IL1RAPL2: variants seen among roughly 807,000 people sequenced by gnomAD.
The protein encoded by IL1RAPL2 is X-linked interleukin-1 receptor accessory protein-like 2.
A neutral mutation model predicts 44.1 loss-of-function variants in IL1RAPL2; 3 were observed. That is an observed-to-expected ratio of 0.07 (90% confidence interval 0.03 to 0.18). The LOEUF (loss-of-function observed/expected upper bound fraction) is 0.18. Ranked by LOEUF, IL1RAPL2 falls within the 10% of genes least tolerant of loss-of-function variation. The probability of loss-of-function intolerance (pLI) is 1.00; values close to 1 mark genes in which losing one functional copy is unlikely to be tolerated. For missense variants in IL1RAPL2, 391 were observed against 496.4 expected (o/e 0.79, Z 2.02); for synonymous variants, 181 against 178.8 (o/e 1.01, Z -0.10).
chrX:105,011,798 G>A (rs1602888415), intron 2 of IL1RAPL2, among the ~76,000 whole-genome samples: 1 of 110,514 alleles, frequency 9.0e-6, no homozygotes, highest in East Asian at 2.9e-4. Flanking sequence ...GGATATACAT[G>A]TTCTTATCTC....
chrX:105,068,197 T>C (rs2032162466), intron 2 of IL1RAPL2, among the ~76,000 whole-genome samples: 1 of 111,863 alleles, frequency 8.9e-6, no homozygotes, highest in African/African-American at 3.2e-5. Context: ...ATAATAATGA[T>C]ATGATCTATT....
chrX:105,498,948 C>T (rs762151113), intron 6 of IL1RAPL2, among the ~76,000 whole-genome samples: 2 of 111,004 alleles, frequency 1.8e-5, no homozygotes. Context: ...ATCAGTGGCA[C>T]ATTAGATTCT....
intron 2 of IL1RAPL2, among the ~76,000 whole-genome samples, chrX:105,029,061 T>C (rs1158258437): frequency 4.6e-5 from 5 of 109,538 alleles, no homozygotes; most frequent in Non-Finnish European, 9.5e-5. Context: ...GCACCAATTT[T>C]TATCTTAGAT....
chrX:105,726,370 C>A (rs2038352036), intron 7 of IL1RAPL2, among the ~76,000 whole-genome samples: 2 of 111,425 alleles, frequency 1.8e-5, no homozygotes, highest in South Asian at 3.7e-4. Context: ...AGACTGAATT[C>A]ATCAAAGCTA....
chrX:105,180,209 C>A (rs2033516379), intron 2 of IL1RAPL2, among the ~76,000 whole-genome samples: 1 of 110,260 alleles, frequency 9.1e-6, no homozygotes. Flanking sequence ...TGGTGGCAGG[C>A]AACTGTAATC....
chrX:105,450,190 G>A (rs2036009739), intron 5 of IL1RAPL2, among the ~76,000 whole-genome samples: 2 of 111,713 alleles, frequency 1.8e-5, no homozygotes, highest in South Asian at 3.8e-4. Flanking sequence ...ATGGTGACAG[G>A]GCAGCGCTGA....
At position 105,353,103 on chromosome X, in the gene IL1RAPL2, T is replaced by G. The variant is rs754915484; in HGVS notation, c.697+85562T>G. ...GTCTTTAATCCATCTTGAATTAATT[T>G]TTGTATAAGGTGTAAGGAAGGGATC... On this transcript the variant is annotated intron_variant, in intron 5 of 10. Coordinates refer to ENST00000372582, the MANE Select transcript of IL1RAPL2 (RefSeq NM_017416.2). Among the ~76,000 whole-genome samples the G allele has an allele frequency of 1.5e-4, 17 of 111,833 alleles. No homozygotes were observed. The East Asian group carries it at 4.5e-3, about 30-fold the overall frequency.
chrX:105,163,972 T>C (rs944578242), intron 2 of IL1RAPL2, among the ~76,000 whole-genome samples: 1 of 111,404 alleles, frequency 9.0e-6, no homozygotes, highest in Non-Finnish European at 1.9e-5. Flanking sequence ...CAATACTCTC[T>C]ACAAGGTATC....
chrX:105,439,685 T>G (rs1048141414), intron 5 of IL1RAPL2, among the ~76,000 whole-genome samples: 5 of 111,737 alleles, frequency 4.5e-5, no homozygotes, highest in African/African-American at 1.6e-4. Context: ...CACATTGCAC[T>G]GCATGGGATG....
chrX:105,480,665 GT>G (rs1353616594), intron 5 of IL1RAPL2, among the ~76,000 whole-genome samples: 1 of 112,089 alleles, frequency 8.9e-6, no homozygotes, highest in Non-Finnish European at 1.9e-5. Flanking sequence ...CTGCCCTGTT[GT>G]TTAGGGGACT....
At chrX:104,979,530 A>C (rs764763076) in intron 2 of IL1RAPL2, among the ~76,000 whole-genome samples, 6 of 112,067 alleles carry the variant, frequency 5.4e-5, no homozygotes, top group Non-Finnish European at 1.1e-4. Context: ...ATGACAGATA[A>C]AAGTTTGATA....
intron 2 of IL1RAPL2, among the ~76,000 whole-genome samples, chrX:105,134,384 ACATT>A (rs2033056462): frequency 1.8e-5 from 2 of 112,303 alleles, no homozygotes; most frequent in African/African-American, 3.2e-5. Context: ...AATATGTTGC[ACATT>A]CATTCATTCA....
At chrX:104,776,739 C>T (rs191842886) in intron 2 of IL1RAPL2, among the ~76,000 whole-genome samples, 5 of 111,846 alleles carry the variant, frequency 4.5e-5, no homozygotes, top group Admixed American at 3.8e-4. Context: ...ATTTATAGAA[C>T]GATTAAGATA....
intron 5 of IL1RAPL2, among the ~76,000 whole-genome samples, chrX:105,382,360 C>T (rs1374625692): frequency 9.3e-6 from 1 of 107,823 alleles, no homozygotes; most frequent in Non-Finnish European, 1.9e-5. Context: ...CCAAAAGACA[C>T]GTGAAAAAAT....
chrX:105,587,592 G>T (rs1434142621), intron 6 of IL1RAPL2, among the ~76,000 whole-genome samples: 1 of 110,407 alleles, frequency 9.1e-6, no homozygotes, highest in African/African-American at 3.3e-5. Flanking sequence ...TATTATTTTT[G>T]TAATACAAGC....
chrX:105,008,495 A>G (rs1384842743), intron 2 of IL1RAPL2, among the ~76,000 whole-genome samples: 1 of 111,740 alleles, frequency 8.9e-6, no homozygotes, highest in Non-Finnish European at 1.9e-5. Context: ...AAAACAAGAA[A>G]TGGGGAAAGG....
intron 6 of IL1RAPL2, among the ~76,000 whole-genome samples, 165 bp downstream of exon 6, chrX:105,484,552 A>T (rs1202592716): frequency 1.8e-5 from 2 of 112,450 alleles, no homozygotes. Flanking sequence ...CAGTTTAAGG[A>T]AATGAGTTTG....
At chrX:105,314,447 C>T (rs1671955930) in intron 5 of IL1RAPL2, among the ~76,000 whole-genome samples, 2 of 111,617 alleles carry the variant, frequency 1.8e-5, no homozygotes, top group African/African-American at 6.5e-5. Context: ...TGCGGACAAT[C>T]AAGCAGACCA....
At chrX:105,541,659 G>A (rs921320044) in intron 6 of IL1RAPL2, among the ~76,000 whole-genome samples, 1 of 110,728 alleles carries the variant, frequency 9.0e-6, no homozygotes, top group Non-Finnish European at 1.9e-5. Flanking sequence ...CCCCTACTTT[G>A]CATTCCCCAC....
Sources: gnomAD v4.1 joint callset for allele counts (sites outside exome capture counted in the v4.1 genomes callset) on GRCh38, gnomAD v4.1.1 for gene constraint, MANE v1.5 for transcripts, NCBI Gene and HGNC (gene_info 2026-07-23, HGNC 2026-07-21) for gene names.